Variants in PDE4B observed in about 807,000 individuals in gnomAD.
PDE4B encodes 3',5'-cyclic-AMP phosphodiesterase 4B.
A neutral mutation model predicts 82.2 loss-of-function variants in PDE4B; 20 were observed. The ratio of observed to expected loss-of-function variants is 0.24; its 90% CI spans 0.17 to 0.35. The LOEUF is 0.35. PDE4B is among the 10% of genes least tolerant of loss of function. PDE4B has a pLI of 1.00. For synonymous variants in PDE4B, 320 were observed against 318.9 expected (o/e 1.00, Z -0.04); for missense variants, 655 against 907.2 (o/e 0.72, Z 3.57).
intron 9 of PDE4B, among the ~76,000 whole-genome samples, chr1:66,359,098 A>G (rs1662549825): frequency 6.6e-6 from 1 of 152,236 alleles, no homozygotes; most frequent in Non-Finnish European, 1.5e-5. Flanking sequence ...TTTACATGTT[A>G]TATTACAATT....
At position 66,020,515 on chromosome 1, in the gene PDE4B, TC is replaced by T. The variant is rs373415220; in HGVS notation, c.281+101682del. On this transcript the variant is annotated intron_variant, in intron 3 of 16. Coordinates refer to ENST00000341517, the MANE Select transcript of PDE4B (RefSeq NM_002600.4). ...GGTGTGTGATGTTCCCCAACCTGTG[TC>T]CAAGTGTTCTCATTGTTCAATTCCC... Among the ~76,000 whole-genome samples the T allele has an allele frequency of 3.7e-4, 56 of 151,768 alleles. No homozygotes were observed. In the East Asian group the frequency reaches 9.3e-3, roughly 25 times the overall value.
intron 3 of PDE4B, among the ~76,000 whole-genome samples, chr1:66,203,466 T>C (rs1184782884): frequency 3.9e-5 from 6 of 152,200 alleles, no homozygotes; most frequent in African/African-American, 4.8e-5. Flanking sequence ...CCATTCTCCC[T>C]GTCACTTTCA....
chr1:65,961,757 T>C (rs3009862), intron 3 of PDE4B, among the ~76,000 whole-genome samples: 149,217 of 152,212 alleles, frequency 0.98, 73,201 homozygotes, highest in Middle Eastern at 1. Flanking sequence ...GAAGGTGTCA[T>C]GAAGTTACTT....
At chr1:65,976,260 C>T (rs568298257) in intron 3 of PDE4B, among the ~76,000 whole-genome samples, 1 of 152,182 alleles carries the variant, frequency 6.6e-6, no homozygotes, top group Admixed American at 6.5e-5. Context: ...TAATGACCAC[C>T]CTGCTGGATT....
intron 3 of PDE4B, among the ~76,000 whole-genome samples, chr1:66,121,534 C>T (rs563474534): frequency 1.8e-4 from 28 of 152,186 alleles, no homozygotes; most frequent in African/African-American, 5.3e-4. Flanking sequence ...ATTCTTTGTC[C>T]GTGAGTAAGA....
At chr1:65,968,334 A>T (rs1437661373) in intron 3 of PDE4B, among the ~76,000 whole-genome samples, 1 of 152,144 alleles carries the variant, frequency 6.6e-6, no homozygotes, top group Non-Finnish European at 1.5e-5. Context: ...TCATGTATTT[A>T]TTAATGTATT....
At chr1:66,282,489 A>T (rs1030897886) in intron 7 of PDE4B, among the ~76,000 whole-genome samples, 3 of 152,190 alleles carry the variant, frequency 2.0e-5, no homozygotes, top group African/African-American at 7.2e-5. Flanking sequence ...AGTGAAACTG[A>T]GGTGTGTCTT....
chr1:66,077,331 A>G (rs141822119), intron 3 of PDE4B, among the ~76,000 whole-genome samples: 117 of 152,332 alleles, frequency 7.7e-4, no homozygotes, highest in African/African-American at 2.5e-3. Flanking sequence ...TTCTGGCACT[A>G]GTGTAAACAT....
intron 8 of PDE4B, 28 bp from the exon 9 acceptor site, chr1:66,355,499 T>C: frequency 7.1e-7 from 1 of 1,413,224 alleles, no homozygotes; most frequent in Non-Finnish European, 1.0e-6. Flanking sequence ...TTTAAAGTGG[T>C]TAATGCATTT....
chr1:66,005,170 A>G (rs1432452609), intron 3 of PDE4B, among the ~76,000 whole-genome samples: 4 of 152,120 alleles, frequency 2.6e-5, no homozygotes, highest in Non-Finnish European at 5.9e-5. Flanking sequence ...ACATTGCTCC[A>G]GATTTATTTT....
chr1:66,290,063 T>G (rs1214136282), intron 7 of PDE4B, among the ~76,000 whole-genome samples: 1 of 152,130 alleles, frequency 6.6e-6, no homozygotes. Context: ...GAAAGGTGGA[T>G]TGAGGAAAAA....
At chr1:65,835,154 TGAATG>T (rs1171250812) in intron 1 of PDE4B, among the ~76,000 whole-genome samples, 1 of 152,126 alleles carries the variant, frequency 6.6e-6, no homozygotes, top group Non-Finnish European at 1.5e-5. Context: ...CCAGGGAACA[TGAATG>T]GGAAGGTTTA....
intron 3 of PDE4B, among the ~76,000 whole-genome samples, chr1:66,040,893 GA>G (rs1373802801): frequency 6.6e-6 from 1 of 151,858 alleles, no homozygotes; most frequent in Non-Finnish European, 1.5e-5. Context: ...AAGGAAGTAG[GA>G]AAGACAAAAT....
intron 3 of PDE4B, among the ~76,000 whole-genome samples, chr1:65,949,498 C>CA (rs990472996): frequency 1.3e-5 from 2 of 152,088 alleles, no homozygotes; most frequent in African/African-American, 4.8e-5. Flanking sequence ...CACTATATTG[C>CA]AAAACACTCC....
chr1:65,982,217 A>G (rs531871043), intron 3 of PDE4B, among the ~76,000 whole-genome samples: 41 of 152,224 alleles, frequency 2.7e-4, no homozygotes, highest in Non-Finnish European at 1.6e-4. Context: ...ATTATAAAAT[A>G]GAAAAGAACG....
At chr1:66,286,336 C>T (rs1475843371) in intron 7 of PDE4B, among the ~76,000 whole-genome samples, 1 of 152,140 alleles carries the variant, frequency 6.6e-6, no homozygotes, top group Admixed American at 6.6e-5. Flanking sequence ...GTGCACCTAA[C>T]ATTTCATCTT....
At chr1:66,134,027 TA>T (rs1646004182) in intron 3 of PDE4B, among the ~76,000 whole-genome samples, 1 of 118,628 alleles carries the variant, frequency 8.4e-6, no homozygotes, top group South Asian at 2.5e-4. Context: ...ATCTCAAAAC[TA>T]TATACACAAA....
At chr1:66,056,485 C>CT (rs36186778) in intron 3 of PDE4B, among the ~76,000 whole-genome samples, 32,848 of 142,970 alleles carry the variant, frequency 0.23, 3,861 homozygotes, top group Non-Finnish European at 0.25. Context: ...ATCTATCTAT[C>CT]ATCTATCTAT....
chr1:65,835,967 G>A (rs1050338861), intron 1 of PDE4B, among the ~76,000 whole-genome samples: 2 of 151,400 alleles, frequency 1.3e-5, no homozygotes, highest in Non-Finnish European at 2.9e-5. Context: ...CCGAGATGGA[G>A]TCTTGGTCTT....
Sources: allele counts gnomAD v4.1 joint callset (sites outside exome capture counted in the v4.1 genomes callset), GRCh38; gene constraint gnomAD v4.1.1; transcripts MANE v1.5; gene names NCBI Gene and HGNC (gene_info 2026-07-23, HGNC 2026-07-21).